Variants in CHST10 observed in about 807,000 individuals in gnomAD.
The protein encoded by CHST10 is HNK-1 sulfotransferase.
Under a neutral mutation model 34.7 loss-of-function variants are expected in CHST10, and 24 were observed. The observed-to-expected ratio is 0.69, with a 90% CI of 0.50 to 0.97. The LOEUF (loss-of-function observed/expected upper bound fraction) is 0.97. Ranked by LOEUF, CHST10 falls within the 50% of genes least tolerant of loss-of-function variation. The pLI is 0.00. For missense variants in CHST10, 402 were observed against 452.1 expected (o/e 0.89, Z 1.00); for synonymous variants, 161 against 169.3 (o/e 0.95, Z 0.38).
chr2:100,413,315 C>T (rs1010605624), intron 2 of CHST10, among the ~76,000 whole-genome samples: 1 of 152,172 alleles, frequency 6.6e-6, no homozygotes, highest in Non-Finnish European at 1.5e-5. Context: ...ATGGCGCAGG[C>T]CCTGAACAGA....
intron 3 of CHST10, among the ~76,000 whole-genome samples, chr2:100,403,166 A>G (rs1487904334): frequency 6.6e-6 from 1 of 152,224 alleles, no homozygotes; most frequent in Non-Finnish European, 1.5e-5. Context: ...GTATCCGCAG[A>G]TGGCAAATAA....
intron 2 of CHST10, among the ~76,000 whole-genome samples, chr2:100,409,688 G>A (rs1461295917): frequency 2.0e-5 from 3 of 152,044 alleles, no homozygotes; most frequent in Non-Finnish European, 4.4e-5. Flanking sequence ...AGAGCTCTTC[G>A]GGCTCCCATT....
At chr2:100,399,673 C>A (rs951245440) in intron 4 of CHST10, among the ~76,000 whole-genome samples, 1 of 152,146 alleles carries the variant, frequency 6.6e-6, no homozygotes, top group East Asian at 1.9e-4. Flanking sequence ...CCCCTCAGGG[C>A]CCCCCACCCA....
intron 4 of CHST10, among the ~76,000 whole-genome samples, chr2:100,402,303 C>T (rs1182656255): frequency 3.3e-5 from 5 of 152,198 alleles, no homozygotes; most frequent in African/African-American, 9.7e-5. Context: ...GGCTCATGTT[C>T]AGCTGGTCAG....
At position 100,415,071 on chromosome 2, in the gene CHST10, CTG is replaced by C. The variant is rs1676010509; in HGVS notation, c.-65_-64del. The C allele has an allele frequency of 2.3e-6, 3 of 1,303,070 alleles. No homozygotes were observed. The highest frequency in any genetic ancestry group is 1.5e-5 in the African/African-American group (1 of 65,684). The allele number at this position is 1,303,070 out of a possible 1,614,324, so 80.7% of individuals were successfully genotyped here. On this transcript the variant is annotated 5_prime_UTR_variant, in exon 2 of 7. Coordinates refer to ENST00000264249, the MANE Select transcript of CHST10 (RefSeq NM_004854.5). ...GCAGCCTGGGGCTCACATTTCCTTGCTGTGTTTCCCCTGAACTGAGGTTCTTG... is the reference window on the plus strand; with the variant it reads ...GCAGCCTGGGGCTCACATTTCCTTGCTGTTTCCCCTGAACTGAGGTTCTTG...
chr2:100,415,026 T>C lies in CHST10; in HGVS notation c.-33+15A>G. On this transcript the variant is annotated intron_variant, in intron 2 of 6. Transcript: ENST00000264249. ...TGCTCAAATAACTGATGAGCTCACA[T>C]TCTCCTTCACGTACCTTCTGCAGCC... 2 of 1,300,930 alleles carry C rather than the reference T, an allele frequency of 1.5e-6. No individual in the cohort carries two copies. The highest frequency in any genetic ancestry group is 2.5e-5 in the South Asian group (2 of 80,206). The allele number at this position is 1,300,930 out of a possible 1,614,324, so 80.6% of individuals were successfully genotyped here.
At chr2:100,417,029 T>A in intron 1 of CHST10, 1 of 1,304,382 alleles carries the variant, frequency 7.7e-7, no homozygotes, top group Non-Finnish European at 1.0e-6. Context: ...TTCCTCTGCA[T>A]GCTCCTTGGA....
chr2:100,411,745 C>T lies in CHST10; in HGVS notation c.-33+3296G>A, dbSNP rs1573200258. On this transcript the variant is annotated intron_variant, in intron 2 of 6. Coordinates refer to ENST00000264249, the MANE Select transcript of CHST10 (RefSeq NM_004854.5). ...CAGTTCTTGTCCTTACAGAGCTTGT[C>T]GTCTAACAGGCCCACACGAAGGAAA... 3.3e-5 allele frequency among the ~76,000 whole-genome samples: 5 copies of T among 152,292 alleles called. No homozygotes were observed. In the East Asian group the frequency reaches 7.7e-4, roughly 24 times the overall value.
intron 4 of CHST10, among the ~76,000 whole-genome samples, chr2:100,399,700 T>C (rs555919227): frequency 1.3e-5 from 2 of 152,244 alleles, no homozygotes; most frequent in South Asian, 2.1e-4. Context: ...CCTTTATGGA[T>C]CTACTGTAAC....
At chr2:100,399,603 A>G (rs936644115) in intron 4 of CHST10, among the ~76,000 whole-genome samples, 1 of 152,226 alleles carries the variant, frequency 6.6e-6, no homozygotes, top group Admixed American at 6.5e-5. Flanking sequence ...TGGGAAGGAC[A>G]TAAGACTTCT....
chr2:100,414,708 C>T (rs1247145414), intron 2 of CHST10, among the ~76,000 whole-genome samples: 3 of 152,184 alleles, frequency 2.0e-5, no homozygotes, highest in Admixed American at 1.3e-4. Flanking sequence ...GAACGATTAA[C>T]CACCCTTAGT....
At position 100,417,514 on chromosome 2, in the gene CHST10, G is replaced by C. The variant is rs1464759446; in HGVS notation, c.-244C>G. The C allele has an allele frequency of 6.6e-6, 1 of 152,080 alleles. No homozygotes were observed. The highest frequency in any genetic ancestry group is 6.6e-5 in the Admixed American group (1 of 15,250). The allele number at this position is 152,080 out of a possible 1,614,324, so 9.4% of individuals were successfully genotyped here. A position where few individuals can be genotyped will look rare whatever the true frequency, so the allele number is the denominator to read the frequency against. On this transcript the variant is annotated 5_prime_UTR_variant, in exon 1 of 7. Transcript: ENST00000264249. ...GGAGGCCCGCCCCACCTTGCCCCGA[G>C]GCCTCCGCGCCGCGGCCCGTCGGGT...
At chr2:100,415,562 TAGATCATGGATTTAGG>T (rs1294207019) in intron 1 of CHST10, among the ~76,000 whole-genome samples, 2 of 152,320 alleles carry the variant, frequency 1.3e-5, no homozygotes, top group African/African-American at 4.8e-5. Flanking sequence ...GTCATGGAAT[TAGATCATGGATTTAGG>T]AGATCTACCA....
chr2:100,413,309 C>T (rs900831606), intron 2 of CHST10, among the ~76,000 whole-genome samples: 1 of 152,214 alleles, frequency 6.6e-6, no homozygotes, highest in Admixed American at 6.5e-5. Flanking sequence ...TCGGTCATGG[C>T]GCAGGCCCTG....
chr2:100,397,216 G>T (rs1021417103), intron 5 of CHST10, among the ~76,000 whole-genome samples: 2 of 152,238 alleles, frequency 1.3e-5, no homozygotes, highest in Admixed American at 1.3e-4. Flanking sequence ...ATTAGGATCG[G>T]TTCAGACTAA....
At position 100,393,942 on chromosome 2, in the gene CHST10, A is replaced by G. The variant is rs78566958; in HGVS notation, c.534-160T>C. ...TCCACACGTCTCTTAATCTACTCCA[A>G]GATCCTGTGGATTAATCCTGTTATT... On this transcript the variant is annotated intron_variant, in intron 6 of 6. Coordinates refer to ENST00000264249, the MANE Select transcript of CHST10 (RefSeq NM_004854.5). Among the ~76,000 whole-genome samples, 1,264 of 152,260 alleles carry G rather than the reference A, an allele frequency of 8.3e-3. 23 individuals are homozygous for G. The highest frequency in any genetic ancestry group is 0.029 in the African/African-American group (1,216 of 41,534).
chr2:100,413,440 G>T (rs955773153), intron 2 of CHST10, among the ~76,000 whole-genome samples: 1 of 152,152 alleles, frequency 6.6e-6, no homozygotes, highest in Non-Finnish European at 1.5e-5. Flanking sequence ...CAGAGGGTTT[G>T]GTTCCTCAGT....
At chr2:100,414,155 G>C (rs1377321818) in intron 2 of CHST10, among the ~76,000 whole-genome samples, 1 of 152,106 alleles carries the variant, frequency 6.6e-6, no homozygotes, top group Non-Finnish European at 1.5e-5. Flanking sequence ...CAGACCCCTG[G>C]GCAAAGACTG....
intron 5 of CHST10, among the ~76,000 whole-genome samples, chr2:100,395,962 C>T (rs1675038463): frequency 1.3e-5 from 2 of 152,210 alleles, no homozygotes; most frequent in Admixed American, 1.3e-4. Context: ...GCAAACAGAA[C>T]TCCTAACACC....
Sources: allele counts gnomAD v4.1 joint callset (sites outside exome capture counted in the v4.1 genomes callset), GRCh38; gene constraint gnomAD v4.1.1; transcripts MANE v1.5; gene names NCBI Gene and HGNC (gene_info 2026-07-23, HGNC 2026-07-21).